The following SHISA9 variants were observed in gnomAD, a reference collection of about 807,000 sequenced individuals.
SHISA9 encodes the protein protein shisa-9.
SHISA9 carries 13 observed loss-of-function variants against 38.0 expected under a neutral mutation model. The ratio of observed to expected loss-of-function variants is 0.34; its 90% CI spans 0.22 to 0.54. SHISA9 has a LOEUF of 0.54. Ranked by LOEUF, SHISA9 falls within the 20% of genes least tolerant of loss-of-function variation. The probability of loss-of-function intolerance (pLI) is 0.91; values close to 1 mark genes in which losing one functional copy is unlikely to be tolerated. For synonymous variants in SHISA9, 275 were observed against 242.0 expected (o/e 1.14, Z -1.27); for missense variants, 538 against 575.8 (o/e 0.93, Z 0.67).
At chr16:13,212,734 A>G (rs1047050720) in intron 3 of SHISA9, among the ~76,000 whole-genome samples, 5 of 152,154 alleles carry the variant, frequency 3.3e-5, no homozygotes, top group African/African-American at 1.2e-4. Flanking sequence ...CCCCCACCCC[A>G]TGGGGCCTGT....
chr16:13,266,588 G>T, the SHISA9 span, among the ~76,000 whole-genome samples: 84,668 of 151,944 alleles, frequency 0.56, 24,039 homozygotes, highest in African/African-American at 0.64. Context: ...TGCTCAGGGA[G>T]GCTCAGGCCC....
chr16:13,461,621 T>A, the SHISA9 span, among the ~76,000 whole-genome samples: 512 of 123,992 alleles, frequency 4.1e-3, no homozygotes, highest in African/African-American at 0.011. Flanking sequence ...TTTTTTTTTT[T>A]AATTTTTTTT....
At chr16:13,256,994 A>G in the SHISA9 span, among the ~76,000 whole-genome samples, 21,651 of 152,180 alleles carry the variant, frequency 0.14, 1,619 homozygotes, top group Middle Eastern at 0.18. Context: ...ATCTATGCCA[A>G]CCTCTGGTGC....
At position 13,070,589 on chromosome 16, in the gene SHISA9, A is replaced by G. The variant is rs536350671; in HGVS notation, c.692-132805A>G. 7.2e-5 allele frequency among the ~76,000 whole-genome samples: 11 copies of G among 152,320 alleles called. No homozygotes were observed. The East Asian group carries it at 1.9e-3, about 27-fold the overall frequency. On this transcript the variant is annotated intron_variant, in intron 2 of 4. Coordinates refer to ENST00000558583, the MANE Select transcript of SHISA9 (RefSeq NM_001145204.3). Reference sequence around the variant, plus strand: ...GGATTCAGAGTTGCAGAACTAGGCCACCCAGGAACAAATTTCCAAAAAGGC... The same window carrying G: ...GGATTCAGAGTTGCAGAACTAGGCCGCCCAGGAACAAATTTCCAAAAAGGC...
intron 2 of SHISA9, among the ~76,000 whole-genome samples, chr16:12,997,637 C>T (rs538820961): frequency 1.3e-5 from 2 of 152,006 alleles, no homozygotes; most frequent in Non-Finnish European, 2.9e-5. Context: ...ATCTCCTGAC[C>T]TCAGGTGATC....
chr16:13,281,419 G>A, the SHISA9 span, among the ~76,000 whole-genome samples: 29 of 151,544 alleles, frequency 1.9e-4, no homozygotes, highest in Non-Finnish European at 3.4e-4. Flanking sequence ...TTCAAAATGT[G>A]CATCTTCAGA....
intron 4 of SHISA9, among the ~76,000 whole-genome samples, chr16:13,216,830 A>G (rs1382297195): frequency 6.6e-6 from 1 of 152,196 alleles, no homozygotes; most frequent in Non-Finnish European, 1.5e-5. Flanking sequence ...GATAAACATC[A>G]TGCTAGTTGG....
chr16:12,904,395 G>A (rs771410183), intron 1 of SHISA9, among the ~76,000 whole-genome samples: 10 of 152,180 alleles, frequency 6.6e-5, no homozygotes, highest in Non-Finnish European at 1.5e-4. Context: ...GTGGGGAGAG[G>A]AGCTAACCTT....
the SHISA9 span, among the ~76,000 whole-genome samples, chr16:13,298,059 A>G: frequency 0.025 from 3,737 of 152,272 alleles, 60 homozygotes; most frequent in Middle Eastern, 0.048. Context: ...CCCAGCTGCT[A>G]TCAGTGCTTT....
chr16:13,534,077 C>T, the SHISA9 span, among the ~76,000 whole-genome samples: 3 of 152,262 alleles, frequency 2.0e-5, no homozygotes, highest in South Asian at 6.2e-4. Flanking sequence ...GCCACCGCGC[C>T]TGGCCTGGTA....
chr16:13,297,333 T>C, the SHISA9 span, among the ~76,000 whole-genome samples: 229 of 152,328 alleles, frequency 1.5e-3, 1 homozygote, highest in Admixed American at 3.1e-3. Flanking sequence ...TTTTTAAGAC[T>C]GTTGATAATT....
At chr16:13,004,767 A>G (rs1451052066) in intron 2 of SHISA9, among the ~76,000 whole-genome samples, 1 of 150,524 alleles carries the variant, frequency 6.6e-6, no homozygotes, top group Non-Finnish European at 1.5e-5. Flanking sequence ...TCTACTAAAA[A>G]TACAAAAAAA....
the SHISA9 span, among the ~76,000 whole-genome samples, chr16:13,497,408 G>C: frequency 0.17 from 25,924 of 152,052 alleles, 2,952 homozygotes; most frequent in African/African-American, 0.32. Flanking sequence ...GAGAGGGGCC[G>C]GATGTGGTGG....
chr16:13,504,139 T>A, the SHISA9 span, among the ~76,000 whole-genome samples: 3 of 152,180 alleles, frequency 2.0e-5, no homozygotes, highest in Non-Finnish European at 4.4e-5. Context: ...ACTAGTTAGT[T>A]TCCTGATTTG....
chr16:13,381,859 C>A, the SHISA9 span, among the ~76,000 whole-genome samples: 1 of 151,976 alleles, frequency 6.6e-6, no homozygotes, highest in South Asian at 2.1e-4. Context: ...ATTTAAAAAT[C>A]TTTAGAACTA....
intron 2 of SHISA9, among the ~76,000 whole-genome samples, chr16:12,973,132 C>G (rs886722855): frequency 6.6e-6 from 1 of 152,120 alleles, no homozygotes; most frequent in East Asian, 1.9e-4. Flanking sequence ...CCGCTCCCCC[C>G]ACACAAAAAA....
chr16:13,066,862 T>G (rs2073440788), intron 2 of SHISA9, among the ~76,000 whole-genome samples: 1 of 152,230 alleles, frequency 6.6e-6, no homozygotes, highest in Non-Finnish European at 1.5e-5. Context: ...ATAAGTGGCA[T>G]GGTTGCACTG....
intron 2 of SHISA9, among the ~76,000 whole-genome samples, chr16:13,130,200 A>T (rs1457707284): frequency 6.6e-6 from 1 of 152,184 alleles, no homozygotes; most frequent in Non-Finnish European, 1.5e-5. Context: ...TGACATAGCC[A>T]ATGAAAAAAT....
At chr16:13,536,193 T>C in the SHISA9 span, among the ~76,000 whole-genome samples, 5 of 152,092 alleles carry the variant, frequency 3.3e-5, no homozygotes, top group African/African-American at 1.2e-4. Context: ...GAGATGGGGT[T>C]TCACTATGTT....
Sources: allele counts gnomAD v4.1 joint callset (sites outside exome capture counted in the v4.1 genomes callset), GRCh38; gene constraint gnomAD v4.1.1; transcripts MANE v1.5; gene names NCBI Gene and HGNC (gene_info 2026-07-23, HGNC 2026-07-21).